The following CYRIB variants were observed in gnomAD, a reference collection of about 807,000 sequenced individuals.
The protein encoded by CYRIB is CYFIP-related Rac1 interactor B.
CYRIB carries 8 observed loss-of-function variants against 44.2 expected under a neutral mutation model. The ratio of observed to expected loss-of-function variants is 0.18; its 90% CI spans 0.11 to 0.33. CYRIB has a LOEUF of 0.33. Among genes scored for constraint, CYRIB ranks in the 10% least tolerant of loss-of-function variants. The pLI, the probability that CYRIB is intolerant of heterozygous loss-of-function variation, is 1.00. For synonymous variants in CYRIB, 131 were observed against 127.2 expected (o/e 1.03, Z -0.20); for missense variants, 185 against 382.8 (o/e 0.48, Z 4.31).
intron 1 of CYRIB, among the ~76,000 whole-genome samples, chr8:129,910,666 C>T (rs979090111): frequency 6.6e-6 from 1 of 152,042 alleles, no homozygotes; most frequent in African/African-American, 2.4e-5. Context: ...GGTCTAGTAA[C>T]ATACAACTGT....
At chr8:129,845,589 C>G (rs2039477949) in intron 11 of CYRIB, among the ~76,000 whole-genome samples, 1 of 152,190 alleles carries the variant, frequency 6.6e-6, no homozygotes, top group African/African-American at 2.4e-5. Context: ...TTATGCAACA[C>G]TTTTCATAAT....
At position 130,010,708 on chromosome 8, in the gene CYRIB, G is replaced by A. The variant is rs151163348; in HGVS notation, c.-296+5662C>T. On this transcript the variant is annotated intron_variant, in intron 1 of 14. Coordinates refer to the CYRIB transcript ENST00000401979. The stretch of plus-strand genomic sequence containing the variant: ...GTCACTTTGTCATATGTGTGTTTTC[G>A]CATGCATGCCTCCTCCTCTAAGCTA... Among the ~76,000 whole-genome samples the A allele has an allele frequency of 1.3e-3, 197 of 152,150 alleles. 4 individuals carry two copies. In the East Asian group the frequency reaches 0.035, roughly 27 times the overall value.
At chr8:129,946,588 T>C (rs577455804) in intron 2 of CYRIB, among the ~76,000 whole-genome samples, 21 of 152,214 alleles carry the variant, frequency 1.4e-4, no homozygotes, top group Non-Finnish European at 2.5e-4. Context: ...GAGCCGCTAT[T>C]CAAAAAGAAC....
chr8:129,901,394 T>C (rs2071792305), intron 2 of CYRIB: 1 of 152,112 alleles, frequency 6.6e-6, no homozygotes, highest in Non-Finnish European at 1.5e-5. Context: ...TTTTTGTATT[T>C]TGAGTAAAGA....
intron 1 of CYRIB, among the ~76,000 whole-genome samples, chr8:129,932,576 T>G (rs558527465): frequency 6.6e-6 from 1 of 152,324 alleles, no homozygotes; most frequent in South Asian, 2.1e-4. Context: ...CTCTGGCTAC[T>G]ACTATTATAG....
At chr8:129,923,756 T>C (rs1002853364) in intron 1 of CYRIB, among the ~76,000 whole-genome samples, 2 of 151,900 alleles carry the variant, frequency 1.3e-5, no homozygotes, top group African/African-American at 4.8e-5. Context: ...CCTACCTCCG[T>C]TTAGTATTTT....
At position 129,977,538 on chromosome 8, in the gene CYRIB, CT is replaced by C. The variant is rs397973101; in HGVS notation, c.-295-6544del. ...TTATCACCTAATATTTGTCCTCACTCTTTTTTTTTTTGAGACGGGGTCTCGC... is the reference window on the plus strand; with the variant it reads ...TTATCACCTAATATTTGTCCTCACTCTTTTTTTTTTGAGACGGGGTCTCGC... On this transcript the variant is annotated intron_variant, in intron 1 of 14. Transcript: ENST00000401979. Among the ~76,000 whole-genome samples, 487 of 147,330 alleles carry C rather than the reference CT, an allele frequency of 3.3e-3. 1 individual carries two copies. The highest frequency in any genetic ancestry group is 7.1e-3 in the Admixed American group (105 of 14,814).
At chr8:129,888,616 T>C (rs1038977441) in intron 2 of CYRIB, among the ~76,000 whole-genome samples, 2 of 152,108 alleles carry the variant, frequency 1.3e-5, no homozygotes, top group African/African-American at 2.4e-5. Context: ...CTCCTCTCTA[T>C]CCCCTTCCCA....
intron 9 of CYRIB, chr8:129,850,509 A>T (rs1224593195): frequency 3.5e-6 from 1 of 284,546 alleles, no homozygotes; most frequent in Non-Finnish European, 6.5e-6. Context: ...AAGTATAACC[A>T]AGGAACTTTA....
intron 1 of CYRIB, among the ~76,000 whole-genome samples, chr8:129,993,245 T>C (rs1247524468): frequency 6.7e-6 from 1 of 150,156 alleles, no homozygotes; most frequent in Non-Finnish European, 1.5e-5. Flanking sequence ...TAAAAAAAAT[T>C]AGCTAGGTGT....
rs147407373 is a variant in CYRIB, at chr8:129,890,274, T to C, written c.-10-10803A>G. Among the ~76,000 whole-genome samples, 70 of 152,318 alleles carry C rather than the reference T, an allele frequency of 4.6e-4. No homozygotes were observed. In the South Asian group the frequency reaches 0.01, roughly 22 times the overall value. On this transcript the variant is annotated intron_variant, in intron 2 of 11. Transcript: ENST00000519824. ...AATCTTTCATGGAAGTGTCAACTGA[T>C]GTGGCAAACTTCATTTTTGTCTTAT... is the stretch of plus-strand genomic sequence containing the variant.
At chr8:129,890,139 T>C (rs936377940) in intron 2 of CYRIB, among the ~76,000 whole-genome samples, 5 of 152,326 alleles carry the variant, frequency 3.3e-5, no homozygotes, top group Middle Eastern at 3.4e-3. Context: ...AAAATGAGTA[T>C]CACATGAACA....
At chr8:129,873,546 A>C (rs2058104418) in intron 3 of CYRIB, among the ~76,000 whole-genome samples, 2 of 152,052 alleles carry the variant, frequency 1.3e-5, no homozygotes, top group African/African-American at 4.8e-5. Context: ...TGGAATTGTG[A>C]AACTACAGAC....
chr8:129,845,857 T>C (rs2131127430), intron 11 of CYRIB, among the ~76,000 whole-genome samples: 2 of 152,328 alleles, frequency 1.3e-5, no homozygotes, highest in South Asian at 4.1e-4. Context: ...TTAAAAATGT[T>C]CTAGCAGCTG....
chr8:129,974,487 T>C (rs979292011), intron 1 of CYRIB, among the ~76,000 whole-genome samples: 1 of 152,072 alleles, frequency 6.6e-6, no homozygotes, highest in Non-Finnish European at 1.5e-5. Context: ...CTGAAGCAAA[T>C]CTATTTACAA....
chr8:130,011,928 C>T (rs1378472833), intron 1 of CYRIB, among the ~76,000 whole-genome samples: 1 of 152,108 alleles, frequency 6.6e-6, no homozygotes, highest in Non-Finnish European at 1.5e-5. Flanking sequence ...CCACACGGAT[C>T]CCATGTCCAC....
At position 129,922,977 on chromosome 8, in the gene CYRIB, C is replaced by T. The variant is rs370158232; in HGVS notation, c.-50+16631G>A. Among the ~76,000 whole-genome samples, 5 of 151,678 alleles carry T rather than the reference C, an allele frequency of 3.3e-5. No individual in the cohort carries two copies. In the South Asian group the frequency reaches 1.0e-3, roughly 32 times the overall value. On this transcript the variant is annotated intron_variant, in intron 1 of 11. Coordinates refer to ENST00000519824, the Ensembl canonical transcript of CYRIB. ...GGGCGCGGTGGCTCACTCCTGTAAT[C>T]CCAGCACTTTGGAAGGCAGGGGTGG...
intron 2 of CYRIB, chr8:129,896,637 CA>C (rs1384461696): frequency 7.9e-5 from 12 of 152,282 alleles, no homozygotes; most frequent in African/African-American, 2.9e-4. Flanking sequence ...GCTACAGAGA[CA>C]TTCTCATCCA....
intron 1 of CYRIB, among the ~76,000 whole-genome samples, chr8:129,989,813 G>A (rs2096581607): frequency 9.6e-6 from 1 of 104,250 alleles, no homozygotes; most frequent in South Asian, 3.1e-4. Flanking sequence ...CCCCACGACA[G>A]GCCCCGGTGT....
Sources: gnomAD v4.1 joint callset for allele counts (sites outside exome capture counted in the v4.1 genomes callset) on GRCh38, gnomAD v4.1.1 for gene constraint, MANE v1.5 for transcripts, NCBI Gene and HGNC (gene_info 2026-07-23, HGNC 2026-07-21) for gene names.